AGTPBP1: variants seen among roughly 807,000 people sequenced by gnomAD.
AGTPBP1 encodes ATP/GTP binding carboxypeptidase 1.
In AGTPBP1, 70 loss-of-function variants were observed where a neutral mutation model predicts 143.9. That is an observed-to-expected ratio of 0.49 (90% CI 0.40 to 0.59). The LOEUF (loss-of-function observed/expected upper bound fraction) is 0.59, where lower values mean the gene tolerates loss of function less well. AGTPBP1 is among the 20% of genes least tolerant of loss of function. AGTPBP1 has a pLI of 0.00. For synonymous variants in AGTPBP1, 463 were observed against 500.2 expected, an observed-to-expected ratio of 0.93 and a Z score of 0.99; for missense variants, 1,229 against 1,464.5, an observed-to-expected ratio of 0.84 and a Z score of 2.62.
intron 1 of AGTPBP1, 129 bp downstream of exon 1, chr9:85,741,646 T>G (rs1464888008): frequency 1.0e-5 from 13 of 1,244,510 alleles, no homozygotes; most frequent in African/African-American, 3.1e-5. Flanking sequence ...ACACAACCCG[T>G]CAGGTAAGGG....
intron 8 of AGTPBP1, among the ~76,000 whole-genome samples, chr9:85,661,817 C>T (rs1172637716): frequency 6.6e-6 from 1 of 152,042 alleles, no homozygotes; most frequent in Non-Finnish European, 1.5e-5. Flanking sequence ...TACTATGGTA[C>T]CTCTTGGTAA....
chr9:85,641,387 T>A (rs1375429130), intron 13 of AGTPBP1, among the ~76,000 whole-genome samples: 1 of 152,230 alleles, frequency 6.6e-6, no homozygotes, highest in Non-Finnish European at 1.5e-5. Flanking sequence ...AGCTCACGGA[T>A]AACTGCTGTA....
chr9:85,747,674 C>A, the AGTPBP1 span, among the ~76,000 whole-genome samples: 24 of 152,190 alleles, frequency 1.6e-4, no homozygotes, highest in African/African-American at 5.3e-4. Context: ...CACTATAAGA[C>A]AACCCAGTGA....
chr9:85,655,976 C>T (rs553832110), intron 10 of AGTPBP1, among the ~76,000 whole-genome samples: 2 of 152,180 alleles, frequency 1.3e-5, no homozygotes, highest in South Asian at 2.1e-4. Flanking sequence ...TACAGGTGCC[C>T]GACACCACGC....
the AGTPBP1 span, among the ~76,000 whole-genome samples, chr9:85,792,447 T>A: frequency 6.6e-6 from 1 of 152,240 alleles, no homozygotes; most frequent in South Asian, 2.1e-4. Flanking sequence ...CTGGGAGGGT[T>A]GGACAGCATC....
chr9:85,548,168 C>T (rs964545235), intron 25 of AGTPBP1, among the ~76,000 whole-genome samples: 18 of 152,094 alleles, frequency 1.2e-4, no homozygotes, highest in African/African-American at 3.9e-4. Context: ...CAATTAAAAC[C>T]TATAAAATCA....
the AGTPBP1 span, chr9:85,786,137 G>A: frequency 1.2e-6 from 2 of 1,608,252 alleles, no homozygotes; most frequent in African/African-American, 1.3e-5. Flanking sequence ...AAGCCAGAAG[G>A]AGGCATGCTT....
chr9:85,607,332 A>G (rs950104637), intron 17 of AGTPBP1, among the ~76,000 whole-genome samples: 4 of 152,076 alleles, frequency 2.6e-5, no homozygotes, highest in Non-Finnish European at 5.9e-5. Flanking sequence ...TTCTCATATC[A>G]CATTTAAAAC....
At chr9:85,572,016 T>C (rs1209075137) in intron 25 of AGTPBP1, among the ~76,000 whole-genome samples, 9 of 18,816 alleles carry the variant, frequency 4.8e-4, no homozygotes, top group East Asian at 2.7e-3. Context: ...TTTTTTTTTT[T>C]TTTTTTTTTT....
chr9:85,777,939 G>A, the AGTPBP1 span, among the ~76,000 whole-genome samples: 3 of 152,164 alleles, frequency 2.0e-5, no homozygotes, highest in Admixed American at 6.5e-5. Flanking sequence ...CTGTAGTGCC[G>A]CAGCTGTCCA....
intron 8 of AGTPBP1, among the ~76,000 whole-genome samples, chr9:85,668,201 G>T (rs906210907): frequency 6.6e-6 from 1 of 152,076 alleles, no homozygotes; most frequent in Non-Finnish European, 1.5e-5. Context: ...CTCTACATTT[G>T]TGTAGGCTTG....
chr9:85,690,722 TTC>T (rs1271890294), intron 3 of AGTPBP1, among the ~76,000 whole-genome samples: 3 of 145,116 alleles, frequency 2.1e-5, no homozygotes, highest in Admixed American at 6.7e-5. Flanking sequence ...AAGAGGATCA[TTC>T]TCTGATAGCA....
At chr9:85,708,972 A>G (rs1430266130) in intron 2 of AGTPBP1, among the ~76,000 whole-genome samples, 1 of 152,252 alleles carries the variant, frequency 6.6e-6, no homozygotes, top group Non-Finnish European at 1.5e-5. Context: ...AGGAGGAAAT[A>G]CTTCCTGATT....
At chr9:85,770,345 A>G in the AGTPBP1 span, 1 of 1,608,292 alleles carries the variant, frequency 6.2e-7, no homozygotes, top group Non-Finnish European at 8.5e-7. Context: ...GCAATTGAAT[A>G]CAAGAATGAA....
At chr9:85,777,121 G>A in the AGTPBP1 span, among the ~76,000 whole-genome samples, 3 of 152,254 alleles carry the variant, frequency 2.0e-5, no homozygotes, top group Non-Finnish European at 4.4e-5. Context: ...ATGAGCATGA[G>A]CCCACTGCCA....
the AGTPBP1 span, among the ~76,000 whole-genome samples, chr9:85,757,307 C>T: frequency 3.1e-4 from 47 of 152,012 alleles, no homozygotes; most frequent in Non-Finnish European, 6.0e-4. Context: ...CCTTGTGATC[C>T]GCCTGTCTTG....
chr9:85,719,487 T>G (rs924202044), intron 1 of AGTPBP1, among the ~76,000 whole-genome samples: 3 of 152,200 alleles, frequency 2.0e-5, no homozygotes, highest in Non-Finnish European at 2.9e-5. Context: ...ATAGGAATGC[T>G]TGTGATTTTT....
chr9:85,759,624 G>A, the AGTPBP1 span, among the ~76,000 whole-genome samples: 3 of 152,088 alleles, frequency 2.0e-5, no homozygotes, highest in Non-Finnish European at 4.4e-5. Context: ...TTAAAGCAGT[G>A]TGTAGAGGGA....
the AGTPBP1 span, among the ~76,000 whole-genome samples, chr9:85,782,267 C>A: frequency 6.6e-6 from 1 of 152,184 alleles, no homozygotes; most frequent in African/African-American, 2.4e-5. Context: ...GTAATCCCAG[C>A]ACTTTGGGAG....
Sources: gnomAD v4.1 joint callset for allele counts (sites outside exome capture counted in the v4.1 genomes callset) on GRCh38, gnomAD v4.1.1 for gene constraint, MANE v1.5 for transcripts, NCBI Gene and HGNC (gene_info 2026-07-23, HGNC 2026-07-21) for gene names.